The following FAM193A variants were observed in gnomAD, a reference collection of about 807,000 sequenced individuals.
The protein encoded by FAM193A is family with sequence similarity 193 member A.
Under a neutral mutation model 126.5 loss-of-function variants are expected in FAM193A, and 22 were observed. The ratio of observed to expected loss-of-function variants is 0.17; its 90% confidence interval spans 0.12 to 0.25. FAM193A has a LOEUF of 0.25. Ranked by LOEUF, FAM193A falls within the 10% of genes least tolerant of loss-of-function variation. The pLI is 1.00. For missense variants in FAM193A, 1,675 were observed against 1,672.8 expected, an observed-to-expected ratio of 1.00 and a Z score of -0.02; for synonymous variants, 761 against 646.8, an observed-to-expected ratio of 1.18 and a Z score of -2.68.
intron 6 of FAM193A, among the ~76,000 whole-genome samples, chr4:2,641,912 T>C (rs1479514448): frequency 6.7e-6 from 1 of 149,196 alleles, no homozygotes; most frequent in Non-Finnish European, 1.5e-5. Context: ...GAGACCAGAC[T>C]GGGTAACAGC....
chr4:2,645,034 A>ATG (rs3221482), intron 6 of FAM193A, among the ~76,000 whole-genome samples: 6,256 of 149,424 alleles, frequency 0.042, 376 homozygotes, highest in African/African-American at 0.14. Flanking sequence ...ATATACATGA[A>ATG]TGTGTGTGTG....
chr4:2,602,663 T>G (rs1285374564), intron 2 of FAM193A, among the ~76,000 whole-genome samples: 1 of 151,954 alleles, frequency 6.6e-6, no homozygotes. Context: ...CGTTTTGATG[T>G]TTTTGTTTTT....
intron 1 of FAM193A, among the ~76,000 whole-genome samples, chr4:2,574,190 T>C (rs531219460): frequency 6.6e-6 from 1 of 151,962 alleles, no homozygotes; most frequent in South Asian, 2.1e-4. Flanking sequence ...GTGTGGGGTG[T>C]CTGATGGGGG....
At chr4:2,567,804 C>T (rs2075048036) in intron 1 of FAM193A, among the ~76,000 whole-genome samples, 2 of 152,298 alleles carry the variant, frequency 1.3e-5, no homozygotes, top group Non-Finnish European at 1.5e-5. Flanking sequence ...GCCTTACTGG[C>T]CAGGTGTCCC....
At chr4:2,550,902 G>T (rs1737882144) in intron 1 of FAM193A, among the ~76,000 whole-genome samples, 1 of 151,832 alleles carries the variant, frequency 6.6e-6, no homozygotes, top group South Asian at 2.1e-4. Context: ...CCGGGTTCAC[G>T]CCATTCTCCT....
chr4:2,629,101 A>T (rs538230149), intron 4 of FAM193A, among the ~76,000 whole-genome samples: 2 of 152,240 alleles, frequency 1.3e-5, no homozygotes, highest in Admixed American at 6.5e-5. Flanking sequence ...TGCTGGGATT[A>T]TAGGCGTGAG....
chr4:2,654,189 A>C (rs762811359), intron 7 of FAM193A, among the ~76,000 whole-genome samples: 4 of 152,074 alleles, frequency 2.6e-5, no homozygotes, highest in Non-Finnish European at 4.4e-5. Context: ...GTTCACAAAT[A>C]AGTATGTATG....
intron 1 of FAM193A, among the ~76,000 whole-genome samples, chr4:2,590,360 G>A (rs1740460334): frequency 6.6e-6 from 1 of 150,422 alleles, no homozygotes; most frequent in African/African-American, 2.4e-5. Flanking sequence ...AGCTACTTGG[G>A]AGGCTGAGGC....
intron 12 of FAM193A, among the ~76,000 whole-genome samples, chr4:2,669,828 C>G (rs989628874): frequency 3.3e-5 from 5 of 152,180 alleles, no homozygotes; most frequent in Admixed American, 6.5e-5. Flanking sequence ...CTGGCTTTCT[C>G]AAGAAGGTGT....
intron 1 of FAM193A, among the ~76,000 whole-genome samples, chr4:2,538,375 TAG>T (rs1434849742): frequency 1.3e-5 from 2 of 151,980 alleles, no homozygotes; most frequent in Non-Finnish European, 2.9e-5. Context: ...CTAATTTTTG[TAG>T]AGACAGGGTT....
chr4:2,562,722 C>T (rs913609154), intron 1 of FAM193A, among the ~76,000 whole-genome samples: 9 of 151,840 alleles, frequency 5.9e-5, no homozygotes, highest in South Asian at 2.1e-4. Flanking sequence ...CTCCGCCTCC[C>T]GGGTTCAAGC....
chr4:2,602,031 G>A (rs1741228675), intron 2 of FAM193A, among the ~76,000 whole-genome samples: 1 of 151,940 alleles, frequency 6.6e-6, no homozygotes, highest in Non-Finnish European at 1.5e-5. Flanking sequence ...TAGAGACAGA[G>A]TTTTGCCATG....
chr4:2,635,624 C>A (rs533647400), intron 5 of FAM193A, among the ~76,000 whole-genome samples: 13 of 152,150 alleles, frequency 8.5e-5, no homozygotes, highest in Admixed American at 5.2e-4. Context: ...CCTCTGCCTC[C>A]CCAGTTCAAG....
intron 12 of FAM193A, among the ~76,000 whole-genome samples, chr4:2,667,587 C>T (rs892377038): frequency 2.0e-5 from 3 of 152,062 alleles, no homozygotes; most frequent in Non-Finnish European, 2.9e-5. Context: ...TCTTAACGTC[C>T]GTTTTATTTG....
intron 20 of FAM193A, among the ~76,000 whole-genome samples, chr4:2,717,075 G>A (rs1052969994): frequency 2.0e-5 from 3 of 151,930 alleles, no homozygotes; most frequent in Non-Finnish European, 4.4e-5. Context: ...CACCTCCTAC[G>A]TTCAAGCGAT....
At chr4:2,578,792 T>C (rs929898331) in intron 1 of FAM193A, among the ~76,000 whole-genome samples, 3 of 152,198 alleles carry the variant, frequency 2.0e-5, no homozygotes, top group Admixed American at 1.3e-4. Context: ...TAAAATGTTA[T>C]ATTTACTATT....
At chr4:2,612,522 T>G (rs1339123791) in intron 2 of FAM193A, among the ~76,000 whole-genome samples, 1 of 151,656 alleles carries the variant, frequency 6.6e-6, no homozygotes, top group Non-Finnish European at 1.5e-5. Flanking sequence ...AACAAAAAAG[T>G]TTTTTTTGCT....
intron 1 of FAM193A, among the ~76,000 whole-genome samples, chr4:2,540,777 G>A (rs964730112): frequency 4.6e-5 from 7 of 151,630 alleles, no homozygotes; most frequent in African/African-American, 1.7e-4. Flanking sequence ...CCTGGCCAAT[G>A]TGATGAAACC....
At chr4:2,713,106 A>G (rs1560605204) in intron 19 of FAM193A, among the ~76,000 whole-genome samples, 1 of 136,216 alleles carries the variant, frequency 7.3e-6, no homozygotes, top group Non-Finnish European at 1.6e-5. Context: ...CTCTGCTTCA[A>G]AAAAAAAAAA....
Sources: gnomAD v4.1 joint callset for allele counts (sites outside exome capture counted in the v4.1 genomes callset) on GRCh38, gnomAD v4.1.1 for gene constraint, MANE v1.5 for transcripts, NCBI Gene and HGNC (gene_info 2026-07-23, HGNC 2026-07-21) for gene names.